TRRAP: variants seen among roughly 807,000 people sequenced by gnomAD.
TRRAP encodes transformation/transcription domain-associated protein.
TRRAP carries 41 observed loss-of-function variants against 438.8 expected under a neutral mutation model. The ratio of observed to expected loss-of-function variants is 0.09; its 90% CI spans 0.07 to 0.12. The LOEUF is 0.12. Among genes scored for constraint, TRRAP ranks in the 10% least tolerant of loss-of-function variants. TRRAP has a pLI of 1.00. For synonymous variants in TRRAP, 1,994 were observed against 1,962.9 expected (o/e 1.02, Z -0.42); for missense variants, 3,122 against 5,055.1 (o/e 0.62, Z 11.60).
At chr7:98,947,857 TG>T (rs1554417259) in intron 33 of TRRAP, among the ~76,000 whole-genome samples, 1 of 152,216 alleles carries the variant, frequency 6.6e-6, no homozygotes, top group Non-Finnish European at 1.5e-5. Flanking sequence ...CACACTGCTC[TG>T]GCCCCAGGTG....
At chr7:98,936,348 A>C (rs1584332650) in intron 28 of TRRAP, among the ~76,000 whole-genome samples, 1 of 152,172 alleles carries the variant, frequency 6.6e-6, no homozygotes. Context: ...AGACAGTGCA[A>C]GCCAAAGCCA....
intron 64 of TRRAP, among the ~76,000 whole-genome samples, chr7:98,991,331 C>T (rs970679123): frequency 6.6e-6 from 1 of 152,338 alleles, no homozygotes; most frequent in East Asian, 1.9e-4. Context: ...CAGGAAGGAG[C>T]TGGGCCCGCG....
At chr7:98,921,314 A>T (rs1789783430) in intron 20 of TRRAP, among the ~76,000 whole-genome samples, 1 of 152,204 alleles carries the variant, frequency 6.6e-6, no homozygotes, top group South Asian at 2.1e-4. Context: ...CAAAGAAGGG[A>T]GAACGGTGTG....
chr7:98,971,927 C>A lies in TRRAP; in HGVS notation c.7821C>A (p.Asp2607Glu). The change falls in exon 53 of 73, where the codon GAC becomes GAA. Residue 2607 changes from aspartate (D) to glutamate (E), a missense_variant. Asp to Glu is a conservative substitution (Grantham distance 45). Coordinates refer to ENST00000456197, the MANE Select transcript of TRRAP (RefSeq NM_001375524.1). ...MLTNRHDKFL[D>E]TLREVKTGAL... is the part of the protein sequence containing the mutation. ...CCAACAGGCACGACAAGTTTCTGGA[C>A]ACTCTCCGAGAGGTGAAGGTCTGTA... 1 of 1,614,208 alleles carries A rather than the reference C, an allele frequency of 6.2e-7. No individual in the cohort carries two copies. The highest frequency in any genetic ancestry group is 8.5e-7 in the Non-Finnish European group (1 of 1,180,020).
intron 53 of TRRAP, among the ~76,000 whole-genome samples, chr7:98,973,638 A>G (rs578187059): frequency 4.0e-4 from 61 of 152,118 alleles, no homozygotes; most frequent in Non-Finnish European, 7.5e-4. Flanking sequence ...AGATGTCCCC[A>G]TGGTCTTCTC....
At chr7:98,942,315 C>T (rs1481859498) in intron 30 of TRRAP, among the ~76,000 whole-genome samples, 1 of 152,212 alleles carries the variant, frequency 6.6e-6, no homozygotes, top group Non-Finnish European at 1.5e-5. Flanking sequence ...CCTAGGGTCC[C>T]CATTGTGCCC....
chr7:98,967,116 C>G lies in TRRAP; in HGVS notation c.7252C>G (p.Leu2418Val). The G allele has an allele frequency of 6.2e-7, 1 of 1,613,940 alleles. No homozygotes were observed. The highest frequency in any genetic ancestry group is 8.5e-7 in the Non-Finnish European group (1 of 1,179,954). The change falls in exon 50 of 73, where the codon CTT becomes GTT. Residue 2418 changes from leucine (L) to valine (V), a missense_variant. Physicochemically the swap from Leu to Val is conservative, Grantham distance 32. Coordinates refer to ENST00000456197, the MANE Select transcript of TRRAP (RefSeq NM_001375524.1). ...CATAGAAAAACGCTTTCCGGAAGACCTTGAATTAAATGCCCAGTTTTTAGA... is the reference window on the plus strand; with the variant it reads ...CATAGAAAAACGCTTTCCGGAAGACGTTGAATTAAATGCCCAGTTTTTAGA... ...TYIEKRFPED[L>V]ELNAQFLDLV...
At chr7:98,949,980 T>C (rs1313795949) in intron 37 of TRRAP, 84 bp from the exon 38 acceptor site, 1 of 1,586,534 alleles carries the variant, frequency 6.3e-7, no homozygotes, top group African/African-American at 1.3e-5. Flanking sequence ...GCTGTGTCTC[T>C]GAGCTGTTTA....
chr7:98,962,514 C>T, intron 47 of TRRAP, 87 bp downstream of exon 47: 1 of 1,598,664 alleles, frequency 6.3e-7, no homozygotes, highest in East Asian at 2.2e-5. Context: ...TGGGAAAGGG[C>T]TCCGGTTGTT....
At position 99,011,001 on chromosome 7, in the gene TRRAP, CAAAA is replaced by C; in HGVS notation, c.10939-46_10939-43del. 1.3e-6 allele frequency: 2 copies of C among 1,547,286 alleles called. No individual in the cohort carries two copies. Among genetic ancestry groups the C allele is most frequent in the East Asian group, 2.3e-5 (1 of 43,200 alleles). ...TTGCAATTTGAGAATTTTTCTTTTC[CAAAA>C]AAAATCAGTGAGTGAGATGGGAGTG... On this transcript the variant is annotated intron_variant, in intron 70 of 72. Transcript: ENST00000456197. This position sits in a 1 kb window ranked among gnomAD's most constrained non-coding sequence, Gnocchi z 7.1.
rs928701507 is a variant in TRRAP, at chr7:98,956,978, G to A, written c.6231+445G>A. On this transcript the variant is annotated intron_variant, in intron 43 of 72. Transcript: ENST00000456197. The surrounding 1 kb of genome is among the most constrained non-coding windows in gnomAD (Gnocchi z 4.5). ...CCCAGCTGGTGTCATGGACCTGCTG[G>A]CTTGTGGACGCAGGCCTGGCCACCC... 1.3e-5 allele frequency among the ~76,000 whole-genome samples: 2 copies of A among 152,024 alleles called. No homozygotes were observed. The highest frequency in any genetic ancestry group is 2.4e-5 in the African/African-American group (1 of 41,388).
intron 6 of TRRAP, among the ~76,000 whole-genome samples, chr7:98,894,796 T>TG (rs1796127190): frequency 6.9e-6 from 1 of 144,700 alleles, no homozygotes; most frequent in African/African-American, 2.5e-5. Flanking sequence ...TTTTTTTTTT[T>TG]TTTTTTTTTT....
intron 67 of TRRAP, among the ~76,000 whole-genome samples, chr7:98,997,025 G>A (rs1793693616): frequency 6.6e-6 from 1 of 152,060 alleles, no homozygotes; most frequent in African/African-American, 2.4e-5. Flanking sequence ...GTATGTTCTT[G>A]GTGGGCACGG....
At chr7:98,929,867 T>C in intron 23 of TRRAP, 122 bp from the exon 24 acceptor site, 2 of 1,011,166 alleles carry the variant, frequency 2.0e-6, no homozygotes, top group Admixed American at 2.1e-5. Context: ...GTGCTGGGAT[T>C]ACGGGTGTGA....
chr7:98,929,610 A>AC (rs1426632139), intron 23 of TRRAP, among the ~76,000 whole-genome samples: 2 of 146,518 alleles, frequency 1.4e-5, no homozygotes, highest in Non-Finnish European at 3.0e-5. Context: ...TTTTTAATTT[A>AC]TTTTTTTTTT....
At chr7:98,975,970 C>T in intron 53 of TRRAP, 179 bp from the exon 54 acceptor site, 5 of 792,680 alleles carry the variant, frequency 6.3e-6, no homozygotes, top group Non-Finnish European at 9.4e-6. Context: ...ACCATGGCTT[C>T]CCACCACTCA....
intron 18 of TRRAP, among the ~76,000 whole-genome samples, chr7:98,913,417 T>G (rs957047081): frequency 1.3e-5 from 2 of 152,124 alleles, no homozygotes; most frequent in East Asian, 3.9e-4. Flanking sequence ...GCTTCGCCAG[T>G]AACTGGGATT....
In TRRAP at chr7:98,944,105, T is replaced by C. The variant is rs535213621; in HGVS notation, c.4473+1088T>C. Among the ~76,000 whole-genome samples the C allele has an allele frequency of 1.1e-4, 17 of 152,338 alleles. No individual in the cohort carries two copies. In the South Asian group the frequency reaches 3.1e-3, roughly 28 times the overall value. On this transcript the variant is annotated intron_variant, in intron 31 of 72. Coordinates refer to ENST00000456197, the MANE Select transcript of TRRAP (RefSeq NM_001375524.1). ...ATATATGTGGAAGAGAATCAGGAAC[T>C]CTTCGTGGAGGAGAGCAGAGTATAT...
chr7:98,929,936 T>C, intron 23 of TRRAP, 53 bp from the exon 24 acceptor site: 1 of 1,575,162 alleles, frequency 6.3e-7, no homozygotes, highest in Non-Finnish European at 8.7e-7. Context: ...TGGGGAGTTC[T>C]GCAGTTTGAG....
Sources: gnomAD v4.1 joint callset for allele counts (sites outside exome capture counted in the v4.1 genomes callset) on GRCh38, gnomAD v4.1.1 for gene constraint, Gnocchi (gnomAD v3.1) non-coding constraint, MANE v1.5 for transcripts, NCBI Gene and HGNC (gene_info 2026-07-23, HGNC 2026-07-21) for gene names.